TAFA5: variants seen among roughly 807,000 people sequenced by gnomAD.
TAFA5 encodes the protein TAFA chemokine like family member 5.
TAFA5 carries 6 observed loss-of-function variants against 15.3 expected under a neutral mutation model. That is an observed-to-expected ratio of 0.39 (90% CI 0.21 to 0.77). The LOEUF (loss-of-function observed/expected upper bound fraction) is 0.77. Among genes scored for constraint, TAFA5 ranks in the 30% least tolerant of loss-of-function variants. TAFA5 has a pLI of 0.41. For missense variants in TAFA5, 161 were observed against 193.1 expected (o/e 0.83, Z 0.98); for synonymous variants, 103 against 80.7 (o/e 1.28, Z -1.48).
intron 1 of TAFA5, among the ~76,000 whole-genome samples, chr22:48,542,652 T>TGTGTGTGTGTGGC (rs1163909458): frequency 3.2e-5 from 4 of 125,912 alleles, no homozygotes; most frequent in Non-Finnish European, 5.0e-5. Context: ...GTGTGTGTGG[T>TGTGTGTGTGTGGC]GTGTGTGTGG....
chr22:48,576,247 C>A, intron 1 of TAFA5: 1 of 484,790 alleles, frequency 2.1e-6, no homozygotes, highest in Non-Finnish European at 3.1e-6. Context: ...CTCCCCGCCC[C>A]CGCCCGCCCC....
At position 48,607,242 on chromosome 22, in the gene TAFA5, T is replaced by C. The variant is rs903512433; in HGVS notation, c.113-39355T>C. ...CCTGGAGCAGGTCTGTCCCGGGTTC[T>C]GATTAGGCCTGGCCCACCCATCCCA... On this transcript the variant is annotated intron_variant, in intron 1 of 3. Coordinates refer to ENST00000402357, the MANE Select transcript of TAFA5 (RefSeq NM_001082967.3). Among the ~76,000 whole-genome samples the C allele has an allele frequency of 4.1e-5, 6 of 148,098 alleles. 1 individual carries two copies. The highest frequency in any genetic ancestry group is 6.0e-5 in the Non-Finnish European group (4 of 66,874).
At chr22:48,497,499 G>A (rs1200533869) in intron 1 of TAFA5, among the ~76,000 whole-genome samples, 4 of 145,862 alleles carry the variant, frequency 2.7e-5, no homozygotes, top group African/African-American at 7.6e-5. Flanking sequence ...GCCTGGGGGC[G>A]GGGCTGAGGC....
At chr22:48,644,338 G>T (rs1341557765) in intron 1 of TAFA5, among the ~76,000 whole-genome samples, 1 of 152,166 alleles carries the variant, frequency 6.6e-6, no homozygotes, top group Non-Finnish European at 1.5e-5. Context: ...GTGAACTTAT[G>T]CCACCCCCTC....
chr22:48,582,830 A>AAG (rs1924126603), intron 1 of TAFA5, among the ~76,000 whole-genome samples: 1 of 127,266 alleles, frequency 7.9e-6, no homozygotes, highest in African/African-American at 3.0e-5. Flanking sequence ...ACCACACACA[A>AAG]TAAACCACAC....
Position 48,530,936 on chromosome 22 carries a change from G to A in TAFA5, c.112+41232G>A, listed in dbSNP as rs1921949586. 6.6e-6 allele frequency among the ~76,000 whole-genome samples: 1 copy of A among 152,138 alleles called. No homozygotes were observed. Among genetic ancestry groups the A allele is most frequent in the South Asian group, 2.1e-4 (1 of 4,836 alleles). ...GACAGACTGAGCTTCCACTGTACAGGGACCCCCTGTGCAAAGTGGTGCCCC... is the reference window on the plus strand; with the variant it reads ...GACAGACTGAGCTTCCACTGTACAGAGACCCCCTGTGCAAAGTGGTGCCCC... On this transcript the variant is annotated intron_variant, in intron 1 of 3. Coordinates refer to ENST00000402357, the MANE Select transcript of TAFA5 (RefSeq NM_001082967.3). This position sits in a 1 kb window ranked among gnomAD's most constrained non-coding sequence, Gnocchi z 6.0.
rs16999394 is a variant in TAFA5 at position 48,553,680 on chromosome 22, T to C, written c.112+63976T>C. ...GTGTCTCTGAGCATACCTCCATGCC[T>C]GCCGTGGTGCAGGCCCGTCTGCCTC... On this transcript the variant is annotated intron_variant, in intron 1 of 3. Coordinates refer to ENST00000402357, the MANE Select transcript of TAFA5 (RefSeq NM_001082967.3). Among the ~76,000 whole-genome samples the C allele has an allele frequency of 5.4e-3, 823 of 152,330 alleles. 51 individuals carry two copies. The East Asian group carries it at 0.13, about 23-fold the overall frequency.
intron 1 of TAFA5, among the ~76,000 whole-genome samples, chr22:48,492,253 T>C (rs1253185232): frequency 6.6e-6 from 1 of 152,236 alleles, no homozygotes; most frequent in Non-Finnish European, 1.5e-5. Flanking sequence ...GTTTGTAAAT[T>C]GTTTTTGTCA....
At chr22:48,586,698 C>T (rs1369512176) in intron 1 of TAFA5, among the ~76,000 whole-genome samples, 1 of 152,234 alleles carries the variant, frequency 6.6e-6, no homozygotes, top group African/African-American at 2.4e-5. Flanking sequence ...TCCGGAGGTC[C>T]TGGGAAGGTG....
intron 1 of TAFA5, among the ~76,000 whole-genome samples, chr22:48,500,567 CGGGCCCGCAGGCGGGCTG>C (rs1247086273): frequency 6.6e-6 from 1 of 152,222 alleles, no homozygotes; most frequent in Non-Finnish European, 1.5e-5. Context: ...TGGAAGGCGC[CGGGCCCGCAGGCGGGCTG>C]TGCTGTCCGC....
chr22:48,706,485 G>A (rs912496938), intron 2 of TAFA5, among the ~76,000 whole-genome samples: 1 of 152,220 alleles, frequency 6.6e-6, no homozygotes, highest in African/African-American at 2.4e-5. Flanking sequence ...AGCGAGTGCA[G>A]TGGGGATATG....
chr22:48,549,270 T>A (rs1922781614), intron 1 of TAFA5, among the ~76,000 whole-genome samples: 1 of 152,188 alleles, frequency 6.6e-6, no homozygotes, highest in Non-Finnish European at 1.5e-5. Context: ...AGCCCAGGCC[T>A]GATGTTGATA....
chr22:48,507,873 G>A lies in TAFA5; in HGVS notation c.112+18169G>A, dbSNP rs965628632. Among the ~76,000 whole-genome samples the A allele has an allele frequency of 2.0e-5, 3 of 152,124 alleles. No individual in the cohort carries two copies. The East Asian group carries it at 5.8e-4, about 29-fold the overall frequency. On this transcript the variant is annotated intron_variant, in intron 1 of 3. Coordinates refer to ENST00000402357, the MANE Select transcript of TAFA5 (RefSeq NM_001082967.3). ...AGCTCCGTGGGCCAGGAAGCTGGGG[G>A]TTCCCTTTTGGGCATCCCCAGCACG...
intron 1 of TAFA5, among the ~76,000 whole-genome samples, chr22:48,575,401 C>T (rs2147140804): frequency 1.4e-5 from 2 of 147,320 alleles, no homozygotes; most frequent in East Asian, 4.0e-4. Context: ...CGGCGGCGGG[C>T]GCGGGCCGGA....
At chr22:48,718,696 C>T (rs948400677) in intron 3 of TAFA5, among the ~76,000 whole-genome samples, 2 of 152,208 alleles carry the variant, frequency 1.3e-5, no homozygotes, top group Admixed American at 6.5e-5. Flanking sequence ...TGAGGTCAAC[C>T]AGGAATTCAC....
At chr22:48,590,701 A>G (rs775867256) in intron 1 of TAFA5, among the ~76,000 whole-genome samples, 1 of 152,096 alleles carries the variant, frequency 6.6e-6, no homozygotes, top group African/African-American at 2.4e-5. Context: ...TTAATCCAAA[A>G]GAAAATTGTG....
At position 48,520,649 on chromosome 22, in the gene TAFA5, G is replaced by A. The variant is rs1326090112; in HGVS notation, c.112+30945G>A. On this transcript the variant is annotated intron_variant, in intron 1 of 3. Transcript: ENST00000402357. ...TGAGGGATTTGGAGAGAGACCAGGTGTGGAGGGGCTTTGGGGCAGAGCCGG... is the reference window on the plus strand; with the variant it reads ...TGAGGGATTTGGAGAGAGACCAGGTATGGAGGGGCTTTGGGGCAGAGCCGG... Among the ~76,000 whole-genome samples, 4 of 152,312 alleles carry A rather than the reference G, an allele frequency of 2.6e-5. No individual in the cohort carries two copies. In the South Asian group the frequency reaches 6.2e-4, roughly 24 times the overall value.
At chr22:48,545,383 C>T (rs759891891) in intron 1 of TAFA5, 29 of 199,090 alleles carry the variant, frequency 1.5e-4, no homozygotes, top group Non-Finnish European at 2.6e-4. Flanking sequence ...GCTCCCTGAC[C>T]TGAGTGAGAC....
intron 2 of TAFA5, among the ~76,000 whole-genome samples, chr22:48,677,684 C>T (rs1209859938): frequency 6.6e-6 from 1 of 152,120 alleles, no homozygotes; most frequent in African/African-American, 2.4e-5. Context: ...GGAAGCAGCT[C>T]CTGGTTGGAA....
Sources: gnomAD v4.1 joint callset for allele counts (sites outside exome capture counted in the v4.1 genomes callset) on GRCh38, gnomAD v4.1.1 for gene constraint, Gnocchi (gnomAD v3.1) non-coding constraint, MANE v1.5 for transcripts, NCBI Gene and HGNC (gene_info 2026-07-23, HGNC 2026-07-21) for gene names.